The following SEMA5A variants were observed in gnomAD, a reference collection of about 807,000 sequenced individuals.
SEMA5A encodes the protein semaphorin-5A.
In SEMA5A, 55 loss-of-function variants were observed where a neutral mutation model predicts 135.5. The observed-to-expected ratio is 0.41, with a 90% confidence interval of 0.33 to 0.51. SEMA5A has a LOEUF of 0.51. Among genes scored for constraint, SEMA5A ranks in the 20% least tolerant of loss-of-function variants. The probability of loss-of-function intolerance (pLI) is 0.37; values close to 1 mark genes in which losing one functional copy is unlikely to be tolerated. For synonymous variants in SEMA5A, 580 were observed against 546.5 expected (o/e 1.06, Z -0.85); for missense variants, 1,290 against 1,419.9 (o/e 0.91, Z 1.47).
At chr5:9,318,802 A>C (rs1215880423) in intron 4 of SEMA5A, among the ~76,000 whole-genome samples, 1 of 152,182 alleles carries the variant, frequency 6.6e-6, no homozygotes, top group South Asian at 2.1e-4. Context: ...TTATCACCTA[A>C]ATTCACCATG....
intron 2 of SEMA5A, among the ~76,000 whole-genome samples, chr5:9,423,594 CA>C (rs1481927647): frequency 5.3e-5 from 8 of 152,342 alleles, no homozygotes; most frequent in African/African-American, 1.9e-4. Flanking sequence ...TTATGCTTTA[CA>C]TTAATAGGCC....
intron 8 of SEMA5A, among the ~76,000 whole-genome samples, chr5:9,221,299 C>CTTTTT (rs869063755): frequency 2.8e-4 from 29 of 103,212 alleles, no homozygotes; most frequent in Non-Finnish European, 3.5e-4. Flanking sequence ...CGAACATTTT[C>CTTTTT]TTTTTTTTTT....
intron 9 of SEMA5A, 22 bp from the exon 10 acceptor site, chr5:9,197,325 G>GGAA: frequency 6.2e-7 from 1 of 1,609,336 alleles, no homozygotes. Context: ...GGGAGAGAGA[G>GGAA]AAGGCAGTCA....
rs1485163484 is a variant in SEMA5A, at chr5:9,545,482, C to G, written c.-175+102G>C. ...CCCGAGATCGGCACCACCCACCAGC[C>G]GACCGCTGCAGTCCCCGGGTCCCGG... is the stretch of plus-strand genomic sequence containing the variant. On this transcript the variant is annotated intron_variant, in intron 1 of 22. Transcript: ENST00000382496. This position sits in a 1 kb window ranked among gnomAD's most constrained non-coding sequence, Gnocchi z 4.5. 1 of 152,436 alleles carries G rather than the reference C, an allele frequency of 6.6e-6. No individual in the cohort carries two copies. The highest frequency in any genetic ancestry group is 1.5e-5 in the Non-Finnish European group (1 of 68,286). 9.4% of individuals were successfully genotyped at this position (152,436 alleles called of 1,614,324 possible).
intron 5 of SEMA5A, among the ~76,000 whole-genome samples, chr5:9,262,919 A>G (rs963256296): frequency 1.8e-4 from 27 of 149,386 alleles, no homozygotes; most frequent in African/African-American, 6.3e-4. Context: ...TTAAAAAAAA[A>G]AAGAAAATAT....
chr5:9,383,069 G>C (rs1422033426), intron 2 of SEMA5A, among the ~76,000 whole-genome samples: 1 of 152,212 alleles, frequency 6.6e-6, no homozygotes, highest in Non-Finnish European at 1.5e-5. Flanking sequence ...CACAATCCCT[G>C]CCCAAGCACA....
intron 11 of SEMA5A, 43 bp from the exon 12 acceptor site, chr5:9,154,738 C>A: frequency 6.5e-7 from 1 of 1,535,048 alleles, no homozygotes; most frequent in South Asian, 1.1e-5. Context: ...GTCAGAGGGT[C>A]TCACAAACCA....
chr5:9,165,355 T>C (rs879709841), intron 11 of SEMA5A, among the ~76,000 whole-genome samples: 2 of 152,362 alleles, frequency 1.3e-5, no homozygotes, highest in Middle Eastern at 3.4e-3. Context: ...AAATAGATTA[T>C]TGCAAAGCAT....
intron 5 of SEMA5A, among the ~76,000 whole-genome samples, chr5:9,239,599 T>C (rs1318223248): frequency 6.6e-6 from 1 of 152,062 alleles, no homozygotes; most frequent in East Asian, 1.9e-4. Context: ...GTCTTGGCCT[T>C]TACTTAAACT....
intron 2 of SEMA5A, among the ~76,000 whole-genome samples, chr5:9,417,206 G>A (rs1757312076): frequency 1.3e-5 from 2 of 152,170 alleles, no homozygotes; most frequent in South Asian, 4.1e-4. Context: ...CCCATAAGAA[G>A]TTTTACTAGA....
chr5:9,306,312 T>C (rs184477088), intron 5 of SEMA5A, among the ~76,000 whole-genome samples: 68 of 151,874 alleles, frequency 4.5e-4, no homozygotes, highest in African/African-American at 1.6e-3. Flanking sequence ...TGTCTAATAC[T>C]CTTTTATCTA....
At chr5:9,120,508 C>T (rs975623686) in intron 14 of SEMA5A, among the ~76,000 whole-genome samples, 6 of 151,762 alleles carry the variant, frequency 4.0e-5, no homozygotes, top group African/African-American at 1.5e-4. Context: ...ATAATATAAC[C>T]AAAATTATCA....
Position 9,051,999 on chromosome 5 carries a change from C to A in SEMA5A, c.2719G>T (p.Glu907Ter). The part of the protein sequence containing the change: ...ESWSEWSDWS[E>*]CEASGVQVRA... Reference sequence around the variant, plus strand: ...ACTTGGACGCCAGAGGCTTCACACTCAGACCAGTCCGACCACTCCGACCAG... The same window carrying A: ...ACTTGGACGCCAGAGGCTTCACACTAAGACCAGTCCGACCACTCCGACCAG... The change falls in exon 20 of 23, where the codon GAG (glutamate) becomes TAG (stop). Residue 907 changes from glutamate (E) to a stop codon, truncating the protein, a stop_gained. Transcript: ENST00000382496. LOFTEE classifies it high-confidence loss of function. 3.1e-6 allele frequency: 5 copies of A among 1,612,970 alleles called. No homozygotes were observed. The highest frequency in any genetic ancestry group is 4.2e-6 in the Non-Finnish European group (5 of 1,179,410).
At chr5:9,174,769 A>G (rs1471329345) in intron 11 of SEMA5A, among the ~76,000 whole-genome samples, 2 of 152,252 alleles carry the variant, frequency 1.3e-5, no homozygotes, top group Non-Finnish European at 2.9e-5. Flanking sequence ...TTCTATGATT[A>G]GCTGTGCTTC....
chr5:9,272,356 C>T (rs752075546), intron 5 of SEMA5A, among the ~76,000 whole-genome samples: 3 of 152,112 alleles, frequency 2.0e-5, no homozygotes, highest in Non-Finnish European at 2.9e-5. Flanking sequence ...CATGCAGCAG[C>T]CCCAGTCAGG....
At chr5:9,142,177 T>C (rs1307499594) in intron 12 of SEMA5A, among the ~76,000 whole-genome samples, 2 of 152,170 alleles carry the variant, frequency 1.3e-5, no homozygotes, top group Non-Finnish European at 2.9e-5. Flanking sequence ...CAAAGGGCCA[T>C]AAGAGTCTGG....
intron 3 of SEMA5A, among the ~76,000 whole-genome samples, chr5:9,339,945 C>T (rs1753569321): frequency 6.6e-6 from 1 of 152,102 alleles, no homozygotes; most frequent in Admixed American, 6.6e-5. Context: ...GATGTGGGAT[C>T]ACTGATTAGA....
chr5:9,262,896 TAAAAA>T (rs200691633), intron 5 of SEMA5A, among the ~76,000 whole-genome samples: 6 of 114,974 alleles, frequency 5.2e-5, no homozygotes, highest in Admixed American at 4.4e-4. Context: ...TAGATTATAA[TAAAAA>T]AAAAAAATTA....
intron 1 of SEMA5A, among the ~76,000 whole-genome samples, chr5:9,521,539 A>T (rs1300551969): frequency 6.6e-6 from 1 of 152,246 alleles, no homozygotes; most frequent in African/African-American, 2.4e-5. Flanking sequence ...AAAAAGGTGG[A>T]TGTGAAACAA....
Sources: gnomAD v4.1 joint callset for allele counts (sites outside exome capture counted in the v4.1 genomes callset) on GRCh38, gnomAD v4.1.1 for gene constraint, Gnocchi (gnomAD v3.1) non-coding constraint, MANE v1.5 for transcripts, NCBI Gene and HGNC (gene_info 2026-07-23, HGNC 2026-07-21) for gene names.